The following RIC3 variants were observed in gnomAD, a reference collection of about 807,000 sequenced individuals.
The protein encoded by RIC3 is protein RIC-3.
Under a neutral mutation model 27.3 loss-of-function variants are expected in RIC3, and 28 were observed. The observed-to-expected ratio is 1.02, with a 90% CI of 0.76 to 1.41. The LOEUF (loss-of-function observed/expected upper bound fraction) is 1.41, where lower values mean the gene tolerates loss of function less well. Ranked by LOEUF, RIC3 falls within the 40% of genes most tolerant of loss-of-function variation. RIC3 has a pLI of 0.00. For missense variants in RIC3, 501 were observed against 444.7 expected (o/e 1.13, Z -1.14); for synonymous variants, 184 against 160.4 (o/e 1.15, Z -1.11).
chr11:8,168,708 G>A (rs1951983267), intron 1 of RIC3, among the ~76,000 whole-genome samples, 158 bp downstream of exon 1: 1 of 152,238 alleles, frequency 6.6e-6, no homozygotes, highest in Non-Finnish European at 1.5e-5. Flanking sequence ...ACGGAACCGT[G>A]GGCATTGGCC....
chr11:8,097,838 C>A, the RIC3 span: 1 of 1,607,414 alleles, frequency 6.2e-7, no homozygotes, highest in South Asian at 1.1e-5. Flanking sequence ...TACTAGCATT[C>A]CCCCAGGAAG....
chr11:8,159,428 G>C (rs1164842697), intron 1 of RIC3, among the ~76,000 whole-genome samples: 1 of 152,174 alleles, frequency 6.6e-6, no homozygotes, highest in Non-Finnish European at 1.5e-5. Context: ...ATCTAAGCCA[G>C]GAAGCCACTG....
intron 1 of RIC3, among the ~76,000 whole-genome samples, chr11:8,148,288 T>G (rs924723529): frequency 6.6e-5 from 10 of 152,170 alleles, no homozygotes; most frequent in African/African-American, 2.4e-4. Flanking sequence ...TCACCACCCT[T>G]TATTCTGGAT....
At chr11:8,119,078 A>G (rs1235129874) in intron 5 of RIC3, among the ~76,000 whole-genome samples, 1 of 152,222 alleles carries the variant, frequency 6.6e-6, no homozygotes, top group South Asian at 2.1e-4. Flanking sequence ...AGAGAACAAA[A>G]TAAGGTAAAT....
rs1952034878 is a variant in RIC3, at chr11:8,169,014, C to G, written c.-25G>C. The G allele has an allele frequency of 1.3e-6, 2 of 1,543,076 alleles. No homozygotes were observed. The highest frequency in any genetic ancestry group is 2.9e-5 in the African/African-American group (2 of 69,400). On this transcript the variant is annotated 5_prime_UTR_variant, in exon 1 of 6. Coordinates refer to ENST00000309737, the MANE Select transcript of RIC3 (RefSeq NM_001206671.4). ...TGACTGCTCACGGTGGTCGCAGGTG[C>G]AGACGCCAGCCGGAACCGGAACCGG...
chr11:8,129,093 T>A (rs552410536), intron 4 of RIC3, among the ~76,000 whole-genome samples: 203 of 152,124 alleles, frequency 1.3e-3, no homozygotes, highest in African/African-American at 4.5e-3. Context: ...CTTTACTAAG[T>A]CCAAGGGTCT....
the RIC3 span, chr11:8,096,657 A>T: frequency 6.9e-7 from 1 of 1,452,624 alleles, no homozygotes; most frequent in Non-Finnish European, 9.7e-7. Flanking sequence ...CTCCTCCTTC[A>T]TCCCTTCTTC....
At chr11:8,111,904 T>C (rs1413628908) in intron 5 of RIC3, among the ~76,000 whole-genome samples, 1 of 152,246 alleles carries the variant, frequency 6.6e-6, no homozygotes, top group Non-Finnish European at 1.5e-5. Flanking sequence ...GAGCAGCAGA[T>C]GGGCCGTGCT....
chr11:8,116,275 A>G lies in RIC3; in HGVS notation c.671-5138T>C, dbSNP rs72849303. On this transcript the variant is annotated intron_variant, in intron 5 of 5. Transcript: ENST00000309737. ...CATCTCACACCTCACATTTACAAAA[A>G]TCAACTCAAAATGCACTGAAGACTT... Among the ~76,000 whole-genome samples, 1,291 of 152,344 alleles carry G rather than the reference A, an allele frequency of 8.5e-3. 9 individuals carry two copies. The highest frequency in any genetic ancestry group is 0.044 in the South Asian group (215 of 4,834).
rs566956648 is a variant in RIC3 at position 8,108,110 on chromosome 11, A to T, written c.*2588T>A. ...TATATTCCTTATATATAAACCAACC[A>T]AGAGCTAGGGCAGGAAGAACCACCA... On this transcript the variant is annotated 3_prime_UTR_variant, in exon 6 of 6. Transcript: ENST00000309737. 8 of 152,338 alleles carry T rather than the reference A, an allele frequency of 5.3e-5. No homozygotes were observed. The highest frequency in any genetic ancestry group is 1.9e-4 in the African/African-American group (8 of 41,578). The allele number at this position is 152,338 out of a possible 1,614,324, so 9.4% of individuals were successfully genotyped here. A position where few individuals can be genotyped will look rare whatever the true frequency, so the allele number is the denominator to read the frequency against.
chr11:8,104,835 A>C (rs907843275), downstream of RIC3: 4 of 152,158 alleles, frequency 2.6e-5, no homozygotes, highest in Admixed American at 6.5e-5. Context: ...AGGTGTTGGA[A>C]GCCAGGACTG....
intron 4 of RIC3, among the ~76,000 whole-genome samples, chr11:8,130,151 G>C (rs1203232660): frequency 6.6e-6 from 1 of 152,166 alleles, no homozygotes; most frequent in Non-Finnish European, 1.5e-5. Context: ...ATAGTGCAAA[G>C]ATTAACGTGA....
the RIC3 span, chr11:8,095,426 C>T: frequency 6.6e-7 from 1 of 1,505,010 alleles, no homozygotes; most frequent in Non-Finnish European, 9.0e-7. Context: ...TCATCCCCTT[C>T]ATGGACGTCT....
intron 5 of RIC3, among the ~76,000 whole-genome samples, chr11:8,120,140 C>T (rs1946283068): frequency 6.6e-6 from 1 of 152,186 alleles, no homozygotes; most frequent in Admixed American, 6.5e-5. Context: ...GGCAATTCTT[C>T]AAGGATCTAG....
intron 1 of RIC3, among the ~76,000 whole-genome samples, chr11:8,154,561 G>A (rs1950508231): frequency 6.6e-6 from 1 of 152,032 alleles, no homozygotes; most frequent in South Asian, 2.1e-4. Flanking sequence ...TGAACACTTT[G>A]GCCAACAAAT....
Position 8,108,203 on chromosome 11 carries a change from C to T in RIC3, c.*2495G>A, listed in dbSNP as rs1396660231. 3.3e-5 allele frequency: 5 copies of T among 152,198 alleles called. No homozygotes were observed. The highest frequency in any genetic ancestry group is 6.5e-5 in the Admixed American group (1 of 15,290). The allele number at this position is 152,198 out of a possible 1,614,324, so 9.4% of individuals were successfully genotyped here. On this transcript the variant is annotated 3_prime_UTR_variant, in exon 6 of 6. Transcript: ENST00000309737. Reference sequence around the variant, plus strand: ...TTCCCCAAAGACCAACAACACTTTACATAACAGCCTCACCAAAATACTTGA... The same window carrying T: ...TTCCCCAAAGACCAACAACACTTTATATAACAGCCTCACCAAAATACTTGA...
downstream of RIC3, chr11:8,101,856 G>GATATGGCGA: frequency 1.9e-5 from 9 of 482,846 alleles, no homozygotes; most frequent in South Asian, 7.5e-5. Flanking sequence ...TTCTTTCCAT[G>GATATGGCGA]CCACGAGATC....
At chr11:8,144,861 A>T (rs71474970) in intron 1 of RIC3, among the ~76,000 whole-genome samples, 3 of 151,812 alleles carry the variant, frequency 2.0e-5, no homozygotes, top group Non-Finnish European at 4.4e-5. Context: ...TAAAAAATGA[A>T]GAGTTCATGT....
At position 8,110,262 on chromosome 11, in the gene RIC3, C is replaced by G; in HGVS notation, c.*436G>C. 3.3e-6 allele frequency: 1 copy of G among 299,524 alleles called. No individual in the cohort carries two copies. The allele number at this position is 299,524 out of a possible 1,614,324, so 18.6% of individuals were successfully genotyped here. On this transcript the variant is annotated 3_prime_UTR_variant, in exon 6 of 6. Transcript: ENST00000309737. ...CAGGGGACTACTAACCTGCTCAAGG[C>G]CCAAAGAATAAGGGATCTTGGAGTC...
Sources: gnomAD v4.1 joint callset for allele counts (sites outside exome capture counted in the v4.1 genomes callset) on GRCh38, gnomAD v4.1.1 for gene constraint, MANE v1.5 for transcripts, NCBI Gene and HGNC (gene_info 2026-07-23, HGNC 2026-07-21) for gene names.